N4BP2: variants seen among roughly 807,000 people sequenced by gnomAD.
N4BP2 encodes NEDD4-binding protein 2.
In N4BP2, 91 loss-of-function variants were observed where a neutral mutation model predicts 152.8. That is an observed-to-expected ratio of 0.60 (90% CI 0.50 to 0.71). The LOEUF is 0.71. N4BP2 is among the 30% of genes least tolerant of loss of function. The pLI is 0.00. For synonymous variants in N4BP2, 646 were observed against 705.3 expected, an observed-to-expected ratio of 0.92 and a Z score of 1.33; for missense variants, 1,923 against 2,059.1, an observed-to-expected ratio of 0.93 and a Z score of 1.28.
intron 14 of N4BP2, among the ~76,000 whole-genome samples, chr4:40,141,338 C>T (rs1386514176): frequency 6.7e-6 from 1 of 150,308 alleles, no homozygotes; most frequent in Non-Finnish European, 1.5e-5. Context: ...GACGGGGCGG[C>T]TTCCGGGCGG....
chr4:40,170,284 A>G, the N4BP2 span, among the ~76,000 whole-genome samples: 3 of 152,182 alleles, frequency 2.0e-5, no homozygotes, highest in Non-Finnish European at 2.9e-5. Flanking sequence ...TAAAGATTAC[A>G]AATAAAAAAG....
At chr4:40,138,608 A>T (rs1719624214) in intron 14 of N4BP2, among the ~76,000 whole-genome samples, 1 of 152,204 alleles carries the variant, frequency 6.6e-6, no homozygotes, top group Non-Finnish European at 1.5e-5. Flanking sequence ...GTTCAAGTTG[A>T]TTCTTTCGCA....
At chr4:40,163,272 G>A in the N4BP2 span, among the ~76,000 whole-genome samples, 304 of 152,274 alleles carry the variant, frequency 2.0e-3, no homozygotes, top group African/African-American at 6.8e-3. Flanking sequence ...ATAACCACCC[G>A]CTGGGGTAGG....
intron 5 of N4BP2, among the ~76,000 whole-genome samples, chr4:40,110,025 CTG>C (rs1716719387): frequency 6.6e-6 from 1 of 152,304 alleles, no homozygotes; most frequent in East Asian, 1.9e-4. Context: ...TCTTTCCAGT[CTG>C]TGTTTTGTCC....
Position 40,122,176 on chromosome 4 carries a change from A to T in N4BP2, c.4065A>T (p.Glu1355Asp), listed in dbSNP as rs770648289. The change falls in exon 9 of 18, where the codon GAA (glutamate) becomes GAT (aspartate). Residue 1355 changes from glutamate (E) to aspartate (D), a missense_variant. By Grantham distance (45) the Glu-to-Asp change is conservative. Coordinates refer to ENST00000261435, the MANE Select transcript of N4BP2 (RefSeq NM_018177.6). The stretch of plus-strand genomic sequence containing the variant: ...GTTTATCAGCTGGAGTTAGTGGGGA[A>T]GATAAAACCGAGATATTGAATCCCA... ...GSSLSAGVSG[E>D]DKTEILNPTP... 116 of 1,613,728 alleles carry T rather than the reference A, an allele frequency of 7.2e-5. No individual in the cohort carries two copies. In the South Asian group the frequency reaches 9.4e-4, roughly 13 times the overall value.
intron 2 of N4BP2, among the ~76,000 whole-genome samples, chr4:40,076,908 A>G (rs1712799695): frequency 6.6e-6 from 1 of 152,174 alleles, no homozygotes; most frequent in Non-Finnish European, 1.5e-5. Flanking sequence ...TGGGAAAGAC[A>G]TTGATGATAC....
chr4:40,081,711 C>CA (rs1452800460), intron 2 of N4BP2, among the ~76,000 whole-genome samples: 1 of 152,136 alleles, frequency 6.6e-6, no homozygotes, highest in African/African-American at 2.4e-5. Flanking sequence ...CACAGTGGCT[C>CA]ATGCCTTTAA....
the N4BP2 span, among the ~76,000 whole-genome samples, chr4:40,174,149 G>A: frequency 8.5e-5 from 13 of 152,116 alleles, no homozygotes; most frequent in Admixed American, 5.2e-4. Context: ...GGCTGAGGCG[G>A]GAGGATTGCT....
At chr4:40,064,056 C>T (rs1056051056) in intron 1 of N4BP2, among the ~76,000 whole-genome samples, 56 of 152,040 alleles carry the variant, frequency 3.7e-4, no homozygotes, top group African/African-American at 1.3e-3. Flanking sequence ...CTTCAGCCTC[C>T]CAAGGTGCTG....
intron 13 of N4BP2, among the ~76,000 whole-genome samples, chr4:40,135,274 G>GA (rs1719282576): frequency 1.3e-5 from 2 of 151,610 alleles, no homozygotes; most frequent in African/African-American, 2.4e-5. Flanking sequence ...CAAAGGACAT[G>GA]AACTCATCAT....
At chr4:40,090,263 G>C (rs1263837790) in intron 2 of N4BP2, among the ~76,000 whole-genome samples, 1 of 152,024 alleles carries the variant, frequency 6.6e-6, no homozygotes. Context: ...ACCTATTTTA[G>C]TTCCTTTGTC....
At chr4:40,141,005 G>A (rs974606620) in intron 14 of N4BP2, among the ~76,000 whole-genome samples, 1 of 151,252 alleles carries the variant, frequency 6.6e-6, no homozygotes, top group African/African-American at 2.4e-5. Context: ...ACACAAACAC[G>A]GCAACCATCC....
At chr4:40,141,167 C>G (rs893629375) in intron 14 of N4BP2, among the ~76,000 whole-genome samples, 1 of 151,342 alleles carries the variant, frequency 6.6e-6, no homozygotes, top group South Asian at 2.1e-4. Flanking sequence ...TAGGGGCAGC[C>G]GGGCAGAGGC....
chr4:40,067,054 C>CTTTTTTTT (rs34768159), intron 1 of N4BP2, among the ~76,000 whole-genome samples: 1 of 91,616 alleles, frequency 1.1e-5, no homozygotes, highest in Admixed American at 1.4e-4. Flanking sequence ...ACCTAATTTC[C>CTTTTTTTT]TTTTTTTTTT....
chr4:40,076,220 A>C (rs1712716538), intron 2 of N4BP2, among the ~76,000 whole-genome samples: 1 of 152,188 alleles, frequency 6.6e-6, no homozygotes, highest in South Asian at 2.1e-4. Context: ...TCCTGCCTGT[A>C]ATCCCAGTAC....
the N4BP2 span, among the ~76,000 whole-genome samples, chr4:40,178,709 G>A: frequency 9.8e-5 from 15 of 152,318 alleles, no homozygotes; most frequent in African/African-American, 3.4e-4. Flanking sequence ...AACAGACTCC[G>A]TCTGCACAGT....
At chr4:40,079,108 G>A (rs769346251) in intron 2 of N4BP2, among the ~76,000 whole-genome samples, 8 of 151,808 alleles carry the variant, frequency 5.3e-5, no homozygotes, top group Admixed American at 3.3e-4. Flanking sequence ...TTTTGGTAGA[G>A]ATGGGGTTTT....
Position 40,147,009 on chromosome 4 carries a change from T to TAAAC in N4BP2, c.5143+2212_5143+2215dup, listed in dbSNP as rs1443881558. Among the ~76,000 whole-genome samples the TAAAC allele has an allele frequency of 9.3e-5, 14 of 149,988 alleles. No individual in the cohort carries two copies. The South Asian group carries it at 2.8e-3, about 30-fold the overall frequency. ...CAATAGTGGAGGGAAGGTCAGCAGATAAACAAGTGAACAAAGGTCTCTGGT... is the reference window on the plus strand; with the variant it reads ...CAATAGTGGAGGGAAGGTCAGCAGATAAACAAACAAGTGAACAAAGGTCTCTGGT... On this transcript the variant is annotated intron_variant, in intron 16 of 17. Coordinates refer to ENST00000261435, the MANE Select transcript of N4BP2 (RefSeq NM_018177.6).
intron 8 of N4BP2, 92 bp from the exon 9 acceptor site, chr4:40,119,840 A>C (rs1717688145): frequency 3.3e-6 from 2 of 601,560 alleles, no homozygotes; most frequent in Non-Finnish European, 5.8e-6. Context: ...AATAACTGTT[A>C]AGTGCCCTGT....
Sources: gnomAD v4.1 joint callset for allele counts (sites outside exome capture counted in the v4.1 genomes callset) on GRCh38, gnomAD v4.1.1 for gene constraint, MANE v1.5 for transcripts, NCBI Gene and HGNC (gene_info 2026-07-23, HGNC 2026-07-21) for gene names.